GOLGA4: variants seen among roughly 807,000 people sequenced by gnomAD.
GOLGA4 encodes the protein golgin A4, also known as golgin subfamily A member 4.
Under a neutral mutation model 265.9 loss-of-function variants are expected in GOLGA4, and 169 were observed. That is an observed-to-expected ratio of 0.64 (90% CI 0.56 to 0.72). GOLGA4 has a LOEUF of 0.72. Ranked by LOEUF, GOLGA4 falls within the 30% of genes least tolerant of loss-of-function variation. The probability of loss-of-function intolerance (pLI) is 0.00; values close to 1 mark genes in which losing one functional copy is unlikely to be tolerated. For synonymous variants in GOLGA4, 923 were observed against 855.8 expected (o/e 1.08, Z -1.37); for missense variants, 2,482 against 2,483.4 (o/e 1.00, Z 0.01).
intron 11 of GOLGA4, among the ~76,000 whole-genome samples, chr3:37,318,844 G>A (rs901624453): frequency 6.6e-6 from 1 of 152,100 alleles, no homozygotes; most frequent in Non-Finnish European, 1.5e-5. Context: ...AGCAGTAGCA[G>A]CACTTGTCTT....
intron 3 of GOLGA4, 21 bp from the exon 4 acceptor site, chr3:37,285,990 ATGT>A (rs759592427): frequency 3.1e-5 from 44 of 1,403,752 alleles, no homozygotes; most frequent in Middle Eastern, 1.8e-4. Context: ...GGAATGACTA[ATGT>A]TGTTGATGAC....
Position 37,335,287 on chromosome 3 carries a change from G to T in GOLGA4, c.6306+121G>T, listed in dbSNP as rs1395789073. 7 of 593,570 alleles carry T rather than the reference G, an allele frequency of 1.2e-5. No individual in the cohort carries two copies. In the East Asian group the frequency reaches 2.0e-4, roughly 17 times the overall value. The allele number at this position is 593,570 out of a possible 1,614,324, so 36.8% of individuals were successfully genotyped here. On this transcript the variant is annotated intron_variant, in intron 17 of 23. Coordinates refer to ENST00000361924, the MANE Select transcript of GOLGA4 (RefSeq NM_002078.5). ...TTTAATCCTAATGAAAACCCTTTGA[G>T]ATTTTTACCTCCGTTTTATAGACAG... is the stretch of plus-strand genomic sequence containing the variant.
rs184763207 is a variant in GOLGA4, at chr3:37,362,571, T to G, written c.*33+1266T>G. ...TTTTTTTAAAAAATAAGTAAAGCCT[T>G]TATCACCCTGGCTGGAGGGCAGTAG... On this transcript the variant is annotated intron_variant, in intron 23 of 23. Transcript: ENST00000361924. 3.3e-5 allele frequency among the ~76,000 whole-genome samples: 5 copies of G among 151,744 alleles called. No individual in the cohort carries two copies. In the East Asian group the frequency reaches 9.7e-4, roughly 30 times the overall value.
In GOLGA4 at chr3:37,335,113, CAGA is replaced by C. The variant is rs1559450264; in HGVS notation, c.6258_6260del (p.Lys2087del). On this transcript the variant is annotated inframe_deletion, in exon 17 of 24. Transcript: ENST00000361924. ...CCTGCAGACTCAACTTGAGGAGCTGCAGAAGAAATACCAGCAAAAGCTAGAGCA... is the reference window on the plus strand; with the variant it reads ...CCTGCAGACTCAACTTGAGGAGCTGCAGAAATACCAGCAAAAGCTAGAGCA... 1.9e-6 allele frequency: 3 copies of C among 1,609,186 alleles called. No homozygotes were observed. The highest frequency in any genetic ancestry group is 2.5e-6 in the Non-Finnish European group (3 of 1,177,280).
intron 1 of GOLGA4, chr3:37,244,129 TCCAGGGATTGAAGGCTGGGG>T (rs2096711680): frequency 6.5e-6 from 1 of 153,192 alleles, no homozygotes; most frequent in South Asian, 1.9e-4. Context: ...CAAACCCAGG[TCCAGGGATTGAAGGCTGGGG>T]AGTAGAGCCA....
Position 37,327,432 on chromosome 3 carries a change from G to A in GOLGA4, c.5546G>A (p.Cys1849Tyr). The change falls in exon 14 of 24, where the codon TGT becomes TAT. Residue 1849 changes from cysteine (C) to tyrosine (Y), a missense_variant. Around this residue, in one of 3 missense-constraint regions of GOLGA4, gnomAD observed 942 missense variants for 983.1 expected, o/e 0.96. Coordinates refer to ENST00000361924, the MANE Select transcript of GOLGA4 (RefSeq NM_002078.5). ...QKTLQEKELT[C>Y]QILEQKIKEL... is the part of the protein sequence containing the mutation. ...ACCCTCCAGGAGAAGGAACTAACCT[G>A]TCAGATTTTGGAGCAAAAGATAAAA... is the stretch of plus-strand genomic sequence containing the variant. 1 of 1,613,278 alleles carries A rather than the reference G, an allele frequency of 6.2e-7. No individual in the cohort carries two copies. Among genetic ancestry groups the A allele is most frequent in the South Asian group, 1.1e-5 (1 of 90,848 alleles).
At chr3:37,347,089 G>A (rs905368721) in intron 20 of GOLGA4, 104 bp from the exon 21 acceptor site, 5 of 647,182 alleles carry the variant, frequency 7.7e-6, no homozygotes, top group Admixed American at 2.6e-5. Context: ...ATAAAAGCAT[G>A]CCTCTCTTTG....
intron 11 of GOLGA4, 107 bp from the exon 12 acceptor site, chr3:37,318,956 T>G (rs1000433665): frequency 6.9e-6 from 5 of 727,336 alleles, no homozygotes; most frequent in Non-Finnish European, 1.1e-5. Flanking sequence ...TGATTTTTTC[T>G]TCTTAAAAAC....
At chr3:37,266,303 G>T (rs1056815006) in intron 2 of GOLGA4, among the ~76,000 whole-genome samples, 2 of 151,954 alleles carry the variant, frequency 1.3e-5, no homozygotes, top group Admixed American at 1.3e-4. Context: ...AGGTTCAAGC[G>T]ATTCTCCTGC....
At chr3:37,281,817 A>C (rs2096835414) in intron 2 of GOLGA4, 141 bp from the exon 3 acceptor site, 1 of 703,960 alleles carries the variant, frequency 1.4e-6, no homozygotes, top group African/African-American at 1.8e-5. Context: ...TTTGTTTTTC[A>C]GAAAACAATG....
intron 5 of GOLGA4, among the ~76,000 whole-genome samples, chr3:37,289,876 A>G (rs1038929297): frequency 2.6e-5 from 4 of 152,140 alleles, no homozygotes; most frequent in African/African-American, 4.8e-5. Context: ...ACAGATCCCA[A>G]CAATTGCATA....
At chr3:37,352,643 C>T (rs1051160017) in intron 21 of GOLGA4, among the ~76,000 whole-genome samples, 1 of 152,032 alleles carries the variant, frequency 6.6e-6, no homozygotes, top group African/African-American at 2.4e-5. Flanking sequence ...CTTCCCTCAG[C>T]CTTCATAGAA....
intron 21 of GOLGA4, 88 bp downstream of exon 21, chr3:37,347,384 T>G (rs1578827794): frequency 1.4e-6 from 1 of 714,392 alleles, no homozygotes; most frequent in African/African-American, 1.8e-5. Flanking sequence ...TGCCATATGT[T>G]TACTATTAGC....
chr3:37,287,296 G>A (rs1388486300), intron 4 of GOLGA4, among the ~76,000 whole-genome samples: 1 of 152,180 alleles, frequency 6.6e-6, no homozygotes, highest in Non-Finnish European at 1.5e-5. Context: ...AGCCAAGATC[G>A]TGCCATTGCA....
intron 5 of GOLGA4, among the ~76,000 whole-genome samples, chr3:37,294,037 G>A (rs77239903): frequency 1.8e-3 from 274 of 152,282 alleles, no homozygotes; most frequent in Non-Finnish European, 3.3e-3. Flanking sequence ...CGTCATATGT[G>A]TGGTCCGTCA....
chr3:37,253,124 A>C (rs2096738653), intron 2 of GOLGA4, among the ~76,000 whole-genome samples: 2 of 151,930 alleles, frequency 1.3e-5, no homozygotes, highest in Non-Finnish European at 2.9e-5. Flanking sequence ...GTATGGTGGC[A>C]TGCACCTGTG....
rs1387718990 is a variant in GOLGA4, at chr3:37,355,197, G to A, written c.6663+10G>A. The A allele has an allele frequency of 2.1e-6, 3 of 1,436,046 alleles. No homozygotes were observed. The highest frequency in any genetic ancestry group is 2.9e-6 in the Non-Finnish European group (3 of 1,017,990). 89.0% of individuals were successfully genotyped at this position (1,436,046 alleles called of 1,614,324 possible). ...AGATGCTCGGCTGATGGTAAGTTCT[G>A]GAAGTGGGCTCTAGATAGAAGATGA... On this transcript the variant is annotated intron_variant, in intron 22 of 23. Transcript: ENST00000361924.
intron 2 of GOLGA4, among the ~76,000 whole-genome samples, chr3:37,269,593 C>T (rs993761052): frequency 6.6e-6 from 1 of 151,946 alleles, no homozygotes; most frequent in African/African-American, 2.4e-5. Context: ...TTCCAGGAAC[C>T]GTATAAAACT....
At chr3:37,266,704 G>A (rs2096784696) in intron 2 of GOLGA4, 1 of 320,356 alleles carries the variant, frequency 3.1e-6, no homozygotes, top group Admixed American at 4.3e-5. Flanking sequence ...GGTGGTGGTG[G>A]TGGTGATGGT....
Sources: allele counts gnomAD v4.1 joint callset (sites outside exome capture counted in the v4.1 genomes callset), GRCh38; gene constraint gnomAD v4.1.1; regional missense constraint gnomAD v4.1.1; transcripts MANE v1.5; gene names NCBI Gene and HGNC (gene_info 2026-07-23, HGNC 2026-07-21).